Variants in BTN3A1 observed in about 807,000 individuals in gnomAD.
BTN3A1 encodes the protein butyrophilin subfamily 3 member A1, also known as dJ45P21.3 (butyrophilin, subfamily 3, member A1).
A neutral mutation model predicts 43.0 loss-of-function variants in BTN3A1; 24 were observed. The ratio of observed to expected loss-of-function variants is 0.56; its 90% CI spans 0.40 to 0.78. The LOEUF (loss-of-function observed/expected upper bound fraction) is 0.78, where lower values mean the gene tolerates loss of function less well. Among genes scored for constraint, BTN3A1 ranks in the 30% least tolerant of loss-of-function variants. BTN3A1 has a pLI of 0.00. For missense variants in BTN3A1, 533 were observed against 626.2 expected (o/e 0.85, Z 1.59); for synonymous variants, 181 against 234.7 (o/e 0.77, Z 2.09).
chr6:26,409,795 C>T (rs1035185997), intron 5 of BTN3A1, 62 bp downstream of exon 5: 67 of 1,604,172 alleles, frequency 4.2e-5, no homozygotes, highest in Non-Finnish European at 5.3e-5. Context: ...AAAGACCTCA[C>T]GCCCATCCCC....
In BTN3A1 at chr6:26,414,197, C is replaced by T. The variant is rs3208733; in HGVS notation, c.*505C>T. Reference sequence around the variant, plus strand: ...GAAGTTGAGGCAGGGCAACATTAAGCAACTTACATAACTCATGCAGTAATT... The same window carrying T: ...GAAGTTGAGGCAGGGCAACATTAAGTAACTTACATAACTCATGCAGTAATT... On this transcript the variant is annotated 3_prime_UTR_variant, in exon 10 of 10. Transcript: ENST00000289361. 0.51 allele frequency: 87,857 copies of T among 172,854 alleles called. 25,194 individuals carry two copies. Among genetic ancestry groups the T allele is most frequent in the African/African-American group, 0.8 (33,498 of 41,644 alleles). 10.7% of individuals were successfully genotyped at this position (172,854 alleles called of 1,614,324 possible). A position where few individuals can be genotyped will look rare whatever the true frequency, so the allele number is the denominator to read the frequency against.
intron 2 of BTN3A1, 97 bp downstream of exon 2, chr6:26,405,745 G>A (rs1029765924): frequency 7.0e-6 from 11 of 1,577,506 alleles, no homozygotes; most frequent in African/African-American, 1.4e-5. Context: ...AGTCCATCCC[G>A]ATCTGAAGGT....
intron 3 of BTN3A1, among the ~76,000 whole-genome samples, chr6:26,406,735 G>A (rs957524601): frequency 3.3e-5 from 5 of 152,222 alleles, no homozygotes. Context: ...TTGCAGTGAG[G>A]AAGAACACAT....
In BTN3A1 at chr6:26,413,640, T is replaced by C; in HGVS notation, c.1490T>C (p.Val497Ala). 2 of 1,613,888 alleles carry C rather than the reference T, an allele frequency of 1.2e-6. No homozygotes were observed. The highest frequency in any genetic ancestry group is 2.7e-5 in the African/African-American group (2 of 74,980). Reference sequence around the variant, plus strand: ...TCCTTCTCTGAGGCTCTATATCCTGTTTTCAGAATTTTGACCTTGGAGCCC... The same window carrying C: ...TCCTTCTCTGAGGCTCTATATCCTGCTTTCAGAATTTTGACCTTGGAGCCC... ...DVSFSEALYP[V>A]FRILTLEPTA... The change falls in exon 10 of 10, where the codon GTT (valine) becomes GCT (alanine). Residue 497 changes from valine to alanine, a missense_variant. Val to Ala is a moderately conservative substitution (Grantham distance 64). Transcript: ENST00000289361.
chr6:26,407,750 G>T lies in BTN3A1; in HGVS notation c.513G>T (p.Trp171Cys). 6.2e-7 allele frequency: 1 copy of T among 1,614,178 alleles called. No homozygotes were observed. The highest frequency in any genetic ancestry group is 8.5e-7 in the Non-Finnish European group (1 of 1,180,036). The change falls in exon 4 of 10, where the codon TGG becomes TGT. Residue 171 changes from tryptophan (W) to cysteine (C), a missense_variant. By Grantham distance (215) the Trp-to-Cys change is radical. Coordinates refer to ENST00000289361, the MANE Select transcript of BTN3A1 (RefSeq NM_007048.6). ...ATCTGGAGTGCAGGTCCACTGGCTG[G>T]TACCCCCAACCCCAAATACAGTGGA... ...GIHLECRSTG[W>C]YPQPQIQWSN...
At position 26,406,268 on chromosome 6, in the gene BTN3A1, G is replaced by A. The variant is rs1481044712; in HGVS notation, c.433+12G>A. On this transcript the variant is annotated intron_variant, in intron 3 of 9. Transcript: ENST00000289361. ...GCTGAAGGTTGCAGGTGAGCCTCCA[G>A]GTTTTGTTCTGAGAACATTTCTCTG... The A allele has an allele frequency of 9.7e-7, 1 of 1,033,872 alleles. No individual in the cohort carries two copies. The highest frequency in any genetic ancestry group is 1.4e-6 in the Non-Finnish European group (1 of 711,650). 64.0% of individuals were successfully genotyped at this position (1,033,872 alleles called of 1,614,324 possible). A position where few individuals can be genotyped will look rare whatever the true frequency, so the allele number is the denominator to read the frequency against.
At chr6:26,407,534 A>T in intron 3 of BTN3A1, 137 bp from the exon 4 acceptor site, 1 of 1,126,750 alleles carries the variant, frequency 8.9e-7, no homozygotes, top group Non-Finnish European at 1.3e-6. Flanking sequence ...CTTTCTCCTC[A>T]CTAGGACCAC....
chr6:26,409,530 C>T lies in BTN3A1; in HGVS notation c.716-3C>T. 1 of 1,613,410 alleles carries T rather than the reference C, an allele frequency of 6.2e-7. No homozygotes were observed. The highest frequency in any genetic ancestry group is 1.1e-5 in the South Asian group (1 of 91,034). Reference sequence around the variant, plus strand: ...CCATGACCCACAGCCGTTGCCTTCACAGACCCCTTCTTCAGGAGCGCCCAG... The same window carrying T: ...CCATGACCCACAGCCGTTGCCTTCATAGACCCCTTCTTCAGGAGCGCCCAG... On this transcript the variant is annotated splice_region_variant and splice_polypyrimidine_tract_variant and intron_variant, in intron 4 of 9. Coordinates refer to ENST00000289361, the MANE Select transcript of BTN3A1 (RefSeq NM_007048.6).
chr6:26,406,013 G>A lies in BTN3A1; in HGVS notation c.190G>A (p.Glu64Lys). Residue 64 changes from glutamate to lysine, a missense_variant, in exon 3 of 10, where the codon GAG becomes AAG. Glu to Lys is a moderately conservative substitution (Grantham distance 56). Around this residue, in one of 4 missense-constraint regions of BTN3A1, gnomAD observed 11 missense variants for 41.2 expected, o/e 0.27. Coordinates refer to ENST00000289361, the MANE Select transcript of BTN3A1 (RefSeq NM_007048.6). The stretch of plus-strand genomic sequence containing the variant: ...CCCGACCATGAGTGCAGAGACCATG[G>A]AGCTGAAGTGGGTGAGTTCCAGCCT... ...LFPTMSAETM[E>K]LKWVSSSLRQ... is the part of the protein sequence containing the mutation. 6.2e-7 allele frequency: 1 copy of A among 1,612,316 alleles called. No homozygotes were observed. Among genetic ancestry groups the A allele is most frequent in the Non-Finnish European group, 8.5e-7 (1 of 1,179,410 alleles).
rs910059537 is a variant in BTN3A1 at position 26,413,823 on chromosome 6, C to T, written c.*131C>T. The stretch of plus-strand genomic sequence containing the variant: ...TAACTTTTCTCTGCTTCTCCCTGCC[C>T]AGCTCAGAGCTGAGGGCCTCCCCCT... On this transcript the variant is annotated 3_prime_UTR_variant, in exon 10 of 10. Transcript: ENST00000289361. 2.0e-5 allele frequency: 32 copies of T among 1,570,356 alleles called. No individual in the cohort carries two copies. Among genetic ancestry groups the T allele is most frequent in the Non-Finnish European group, 2.6e-5 (30 of 1,157,356 alleles).
intron 9 of BTN3A1, 100 bp from the exon 10 acceptor site, chr6:26,413,069 G>A (rs1762273588): frequency 1.2e-5 from 18 of 1,525,038 alleles, no homozygotes; most frequent in Non-Finnish European, 1.5e-5. Context: ...CCAGGCTTTG[G>A]ACTCAGACCT....
intron 2 of BTN3A1, 56 bp from the exon 3 acceptor site, chr6:26,405,853 C>A: frequency 6.2e-7 from 1 of 1,612,682 alleles, no homozygotes. Context: ...AGCACCCTTC[C>A]TCTCATGACC....
chr6:26,403,455 A>G (rs1692265164), intron 1 of BTN3A1, among the ~76,000 whole-genome samples: 2 of 152,204 alleles, frequency 1.3e-5, no homozygotes, highest in Non-Finnish European at 2.9e-5. Flanking sequence ...TGAGCAGCCT[A>G]AAACATAAAT....
At position 26,413,423 on chromosome 6, in the gene BTN3A1, A is replaced by G. The variant is rs770281998; in HGVS notation, c.1273A>G (p.Thr425Ala). The change falls in exon 10 of 10, where the codon ACA (threonine) becomes GCA (alanine). Residue 425 changes from threonine to alanine, a missense_variant. Coordinates refer to ENST00000289361, the MANE Select transcript of BTN3A1 (RefSeq NM_007048.6). ...NVQRKGWVKM[T>A]PENGFWTMGL... ...GCAGAGAAAAGGCTGGGTCAAAATG[A>G]CACCTGAGAATGGATTCTGGACTAT... is the stretch of plus-strand genomic sequence containing the variant. 1.5e-5 allele frequency: 25 copies of G among 1,614,012 alleles called. No homozygotes were observed. The highest frequency in any genetic ancestry group is 2.0e-5 in the Non-Finnish European group (24 of 1,180,042).
Position 26,405,482 on chromosome 6 carries a change from G to T in BTN3A1, c.-82G>T, listed in dbSNP as rs1761981135. 2 of 1,358,436 alleles carry T rather than the reference G, an allele frequency of 1.5e-6. No homozygotes were observed. The highest frequency in any genetic ancestry group is 1.4e-5 in the African/African-American group (1 of 69,558). The allele number at this position is 1,358,436 out of a possible 1,614,324, so 84.1% of individuals were successfully genotyped here. ...TTGAGTTAGCTCTAGGGAAGTGGAG[G>T]TTTCCATTTGGAATTCTATAGCTTC... On this transcript the variant is annotated 5_prime_UTR_variant, in exon 2 of 10. Transcript: ENST00000289361.
chr6:26,404,322 C>T (rs962644156), intron 1 of BTN3A1: 6 of 152,332 alleles, frequency 3.9e-5, no homozygotes, highest in Admixed American at 6.5e-5. Flanking sequence ...AAATTTAAAG[C>T]ATTCCAATAT....
rs1762001322 is a variant in BTN3A1, at chr6:26,405,891, TC to T, written c.86-13del. On this transcript the variant is annotated splice_polypyrimidine_tract_variant and intron_variant, in intron 2 of 9. Transcript: ENST00000289361. Reference sequence around the variant, plus strand: ...AACTCCAAAACCCTCTGACAGATCCTCCCCCTTGTGCCTACAGCTCAGTTTT... The same window carrying T: ...AACTCCAAAACCCTCTGACAGATCCTCCCCTTGTGCCTACAGCTCAGTTTT... The T allele has an allele frequency of 6.2e-7, 1 of 1,613,336 alleles. No homozygotes were observed. The highest frequency in any genetic ancestry group is 8.5e-7 in the Non-Finnish European group (1 of 1,179,514).
In BTN3A1 at chr6:26,407,651, G is replaced by A. The variant is rs752921283; in HGVS notation, c.434-20G>A. 4 of 1,611,166 alleles carry A rather than the reference G, an allele frequency of 2.5e-6. No homozygotes were observed. The highest frequency in any genetic ancestry group is 3.4e-6 in the Non-Finnish European group (4 of 1,177,740). On this transcript the variant is annotated intron_variant, in intron 3 of 9. Transcript: ENST00000289361. ...TGATACAGGCCTCTCAAGAATTTAG[G>A]CTAATTCATCCTTCCACAGCACTGG...
At chr6:26,406,513 A>G (rs571920705) in intron 3 of BTN3A1, among the ~76,000 whole-genome samples, 1 of 152,352 alleles carries the variant, frequency 6.6e-6, no homozygotes, top group South Asian at 2.1e-4. Context: ...GTGAAGGACA[A>G]GGGATAGAAA....
Sources: gnomAD v4.1 joint callset for allele counts (sites outside exome capture counted in the v4.1 genomes callset) on GRCh38, gnomAD v4.1.1 for gene constraint, gnomAD v4.1.1 regional missense constraint, MANE v1.5 for transcripts, NCBI Gene and HGNC (gene_info 2026-07-23, HGNC 2026-07-21) for gene names.